PLEKHD1: variants seen among roughly 807,000 people sequenced by gnomAD.
PLEKHD1 encodes pleckstrin homology domain-containing family D member 1.
A neutral mutation model predicts 69.2 loss-of-function variants in PLEKHD1; 51 were observed. That is an observed-to-expected ratio of 0.74 (90% CI 0.59 to 0.93). The LOEUF is 0.93. Ranked by LOEUF, PLEKHD1 falls within the 40% of genes least tolerant of loss-of-function variation. The probability of loss-of-function intolerance (pLI) is 0.00; values close to 1 mark genes in which losing one functional copy is unlikely to be tolerated. For synonymous variants in PLEKHD1, 236 were observed against 244.7 expected, an observed-to-expected ratio of 0.96 and a Z score of 0.33; for missense variants, 584 against 641.0, an observed-to-expected ratio of 0.91 and a Z score of 0.96.
chr14:69,489,145 A>C (rs1256184453), intron 1 of PLEKHD1, among the ~76,000 whole-genome samples: 2 of 152,204 alleles, frequency 1.3e-5, no homozygotes, highest in African/African-American at 4.8e-5. Flanking sequence ...TTGATGTCCT[A>C]TTTGAAAATG....
At position 69,495,288 on chromosome 14, in the gene PLEKHD1, A is replaced by C. The variant is rs115059989; in HGVS notation, c.150-4827A>C. ...CTCTTGCCCCCTAACGATATGTGGC[A>C]ACATCCCCTAATGAATCTCCCTGCC... On this transcript the variant is annotated intron_variant, in intron 1 of 12. Transcript: ENST00000322564. Among the ~76,000 whole-genome samples, 499 of 152,242 alleles carry C rather than the reference A, an allele frequency of 3.3e-3. 2 individuals carry two copies. The highest frequency in any genetic ancestry group is 0.011 in the African/African-American group (477 of 41,550).
At chr14:69,472,240 G>A in the PLEKHD1 span, among the ~76,000 whole-genome samples, 1 of 152,102 alleles carries the variant, frequency 6.6e-6, no homozygotes, top group Admixed American at 6.5e-5. Context: ...ACACTCACCT[G>A]CCTACACATG....
chr14:69,473,332 C>T, the PLEKHD1 span, among the ~76,000 whole-genome samples: 1 of 151,936 alleles, frequency 6.6e-6, no homozygotes, highest in African/African-American at 2.4e-5. Flanking sequence ...TGTCCCTACC[C>T]CACCCTCCCA....
chr14:69,471,807 T>C, the PLEKHD1 span, among the ~76,000 whole-genome samples: 1 of 152,156 alleles, frequency 6.6e-6, no homozygotes, highest in African/African-American at 2.4e-5. Context: ...TGTCAACCTA[T>C]ACACAGGAAG....
At chr14:69,476,823 G>A in the PLEKHD1 span, among the ~76,000 whole-genome samples, 4 of 152,086 alleles carry the variant, frequency 2.6e-5, no homozygotes, top group Non-Finnish European at 5.9e-5. Context: ...CTGTTTTCAC[G>A]CTGCTGATAA....
At chr14:69,470,129 CT>C in the PLEKHD1 span, among the ~76,000 whole-genome samples, 8 of 151,870 alleles carry the variant, frequency 5.3e-5, no homozygotes, top group Admixed American at 2.6e-4. Flanking sequence ...CACTAACATT[CT>C]TTTTTTTATG....
intron 1 of PLEKHD1, among the ~76,000 whole-genome samples, chr14:69,490,759 A>T (rs747097422): frequency 2.6e-5 from 4 of 152,144 alleles, no homozygotes; most frequent in Non-Finnish European, 5.9e-5. Context: ...GACACAAGGG[A>T]CACACACTGG....
intron 1 of PLEKHD1, among the ~76,000 whole-genome samples, chr14:69,494,256 A>G (rs1196638991): frequency 1.3e-5 from 2 of 152,186 alleles, no homozygotes; most frequent in Non-Finnish European, 2.9e-5. Context: ...CTCAAGTTGC[A>G]CGGTGGGGAC....
intron 6 of PLEKHD1, among the ~76,000 whole-genome samples, chr14:69,506,927 G>A (rs1883165087): frequency 9.1e-6 from 1 of 109,342 alleles, no homozygotes; most frequent in Non-Finnish European, 1.7e-5. Flanking sequence ...TTTAAAGACG[G>A]AATCTTGCCC....
intron 6 of PLEKHD1, among the ~76,000 whole-genome samples, chr14:69,512,679 T>G (rs991100652): frequency 2.0e-5 from 3 of 152,178 alleles, no homozygotes; most frequent in Non-Finnish European, 2.9e-5. Flanking sequence ...CTTCAAGTAT[T>G]TTGTGGATTT....
rs1883032668 is a variant in PLEKHD1, at chr14:69,501,825, G to C, written c.502G>C (p.Asp168His). 6.5e-7 allele frequency: 1 copy of C among 1,550,332 alleles called. No homozygotes were observed. The highest frequency in any genetic ancestry group is 8.7e-7 in the Non-Finnish European group (1 of 1,146,132). ...QLAKEKQEYL[D>H]KLMEETEELC... ...GGCTAAGGAAAAGCAGGAGTATTTA[G>C]GTTGGCTGGAGGGGTGGTTCCCTAA... Residue 168 changes from aspartate to histidine, a missense_variant and splice_region_variant, in exon 5 of 13, where the codon GAC (aspartate) becomes CAC (histidine). Physicochemically the swap from Asp to His is moderately conservative, Grantham distance 81 (BLOSUM62 -1). Transcript: ENST00000322564.
chr14:69,492,106 C>A lies in PLEKHD1; in HGVS notation c.149+6992C>A, dbSNP rs142124161. ...CTACTCACTCTGCCCCGCTCTGTCCCTGCTCTCTGACCTTAACTCACTCCT... is the reference window on the plus strand; with the variant it reads ...CTACTCACTCTGCCCCGCTCTGTCCATGCTCTCTGACCTTAACTCACTCCT... On this transcript the variant is annotated intron_variant, in intron 1 of 12. Transcript: ENST00000322564. Among the ~76,000 whole-genome samples the A allele has an allele frequency of 5.3e-3, 806 of 152,308 alleles. 7 individuals are homozygous for A. The highest frequency in any genetic ancestry group is 0.018 in the African/African-American group (767 of 41,560).
intron 9 of PLEKHD1, 149 bp from the exon 10 acceptor site, chr14:69,526,548 C>T (rs1010965434): frequency 1.1e-6 from 1 of 899,068 alleles, no homozygotes; most frequent in Non-Finnish European, 1.6e-6. Flanking sequence ...AATCTCATCC[C>T]CTGGGTGCCT....
chr14:69,517,141 T>TG (rs1364969733), intron 6 of PLEKHD1, among the ~76,000 whole-genome samples: 1 of 118,986 alleles, frequency 8.4e-6, no homozygotes, highest in African/African-American at 3.3e-5. Context: ...GGGCTGGGGG[T>TG]GGGGGGCAAT....
intron 1 of PLEKHD1, among the ~76,000 whole-genome samples, chr14:69,499,523 G>C (rs891113806): frequency 1.5e-4 from 23 of 152,188 alleles, no homozygotes; most frequent in Admixed American, 3.9e-4. Flanking sequence ...CTCCCCAGCA[G>C]TCAAAAAGCA....
At chr14:69,484,332 C>T (rs556125018), upstream of PLEKHD1, among the ~76,000 whole-genome samples, 4 of 152,326 alleles carry the variant, frequency 2.6e-5, no homozygotes, top group East Asian at 7.7e-4. Flanking sequence ...TGTGACCCTA[C>T]GCCCTAGCTC....
In PLEKHD1 at chr14:69,502,828, C is replaced by T; in HGVS notation, c.504C>T (p.Asp168=). 1.9e-6 allele frequency: 3 copies of T among 1,551,582 alleles called. No homozygotes were observed. ...QLAKEKQEYL[D]KLMEETEELC... The stretch of plus-strand genomic sequence containing the variant: ...GTGTGTGTGTGCTTGTTTTGGCAGA[C>T]AAACTGATGGAAGAGACCGAAGAAC... The change falls in exon 6 of 13, where the codon GAC becomes GAT. Residue 168 remains aspartate, a splice_region_variant and synonymous_variant. Coordinates refer to ENST00000322564, the MANE Select transcript of PLEKHD1 (RefSeq NM_001161498.2).
At chr14:69,520,166 C>CAAAAAAAAA (rs761343645) in intron 6 of PLEKHD1, among the ~76,000 whole-genome samples, 1 of 20,512 alleles carries the variant, frequency 4.9e-5, no homozygotes, top group African/African-American at 1.5e-4. Flanking sequence ...GACTCTGTCT[C>CAAAAAAAAA]AAAAAAAAAA....
chr14:69,472,064 C>T, the PLEKHD1 span, among the ~76,000 whole-genome samples: 15 of 152,232 alleles, frequency 9.9e-5, 1 homozygote, highest in South Asian at 2.1e-3. Context: ...ACACACTCAA[C>T]GACCCGTGCT....
Sources: gnomAD v4.1 joint callset for allele counts (sites outside exome capture counted in the v4.1 genomes callset) on GRCh38, gnomAD v4.1.1 for gene constraint, MANE v1.5 for transcripts, NCBI Gene and HGNC (gene_info 2026-07-23, HGNC 2026-07-21) for gene names.